CDH4: variants seen among roughly 807,000 people sequenced by gnomAD.
CDH4 encodes the protein cadherin-4.
A neutral mutation model predicts 86.0 loss-of-function variants in CDH4; 33 were observed. The observed-to-expected ratio is 0.38, with a 90% CI of 0.29 to 0.51. CDH4 has a LOEUF of 0.51. CDH4 is among the 20% of genes least tolerant of loss of function. The pLI is 0.86. For synonymous variants in CDH4, 555 were observed against 549.4 expected, an observed-to-expected ratio of 1.01 and a Z score of -0.14; for missense variants, 1,114 against 1,307.4, an observed-to-expected ratio of 0.85 and a Z score of 2.28.
At chr20:61,531,206 T>G (rs1455465999) in intron 2 of CDH4, among the ~76,000 whole-genome samples, 1 of 152,176 alleles carries the variant, frequency 6.6e-6, no homozygotes, top group Non-Finnish European at 1.5e-5. Flanking sequence ...GCATAGTGGC[T>G]CATGCCTGTA....
intron 2 of CDH4, among the ~76,000 whole-genome samples, chr20:61,330,884 AGTT>A (rs2084569053): frequency 6.6e-6 from 1 of 152,092 alleles, no homozygotes; most frequent in Non-Finnish European, 1.5e-5. Context: ...ATAAAGATTG[AGTT>A]GTTTCCAGTT....
At chr20:61,354,094 G>A (rs887575767) in intron 2 of CDH4, among the ~76,000 whole-genome samples, 8 of 152,040 alleles carry the variant, frequency 5.3e-5, no homozygotes, top group Admixed American at 3.3e-4. Context: ...ATTCGAGAAC[G>A]TCTAGGGATG....
chr20:61,467,712 A>G (rs920441963), intron 2 of CDH4, among the ~76,000 whole-genome samples: 3 of 152,184 alleles, frequency 2.0e-5, no homozygotes, highest in Non-Finnish European at 2.9e-5. Flanking sequence ...TGCTTTTTCC[A>G]TATCCATCAT....
At chr20:61,558,593 T>C (rs998075446) in intron 2 of CDH4, among the ~76,000 whole-genome samples, 1 of 152,176 alleles carries the variant, frequency 6.6e-6, no homozygotes, top group Non-Finnish European at 1.5e-5. Flanking sequence ...GCTCAGGAAA[T>C]GCGTATCAGG....
intron 3 of CDH4, among the ~76,000 whole-genome samples, chr20:61,764,571 G>T (rs959721105): frequency 6.6e-6 from 1 of 152,052 alleles, no homozygotes; most frequent in African/African-American, 2.4e-5. Flanking sequence ...CACCTTCCGC[G>T]CAGGGCCCCC....
rs2084333924 is a variant in CDH4 at position 61,293,334 on chromosome 20, G to A, written c.169+38397G>A. On this transcript the variant is annotated intron_variant, in intron 2 of 15. Coordinates refer to ENST00000614565, the MANE Select transcript of CDH4 (RefSeq NM_001794.5). ...GTGGCAGGAGGACCCGTAGGACAGG[G>A]AGGTGCAGAGTGAGGGTTAGTGCAC... is the stretch of plus-strand genomic sequence containing the variant. 2.0e-5 allele frequency among the ~76,000 whole-genome samples: 3 copies of A among 152,166 alleles called. No individual in the cohort carries two copies. In the South Asian group the frequency reaches 6.2e-4, roughly 32 times the overall value.
At chr20:61,905,739 A>C (rs1193013448) in intron 8 of CDH4, among the ~76,000 whole-genome samples, 1 of 152,152 alleles carries the variant, frequency 6.6e-6, no homozygotes. Context: ...GCATGTCCCT[A>C]GGTCACTTAC....
intron 4 of CDH4, among the ~76,000 whole-genome samples, chr20:61,828,282 C>T (rs931819739): frequency 2.6e-5 from 4 of 152,192 alleles, no homozygotes; most frequent in Non-Finnish European, 5.9e-5. Context: ...CGAAAGCACC[C>T]ACCACCCGCC....
chr20:61,521,612 T>A (rs1227046725), intron 2 of CDH4, among the ~76,000 whole-genome samples: 2 of 152,140 alleles, frequency 1.3e-5, no homozygotes, highest in Non-Finnish European at 2.9e-5. Flanking sequence ...TTCAACAAGG[T>A]CGAGGAGTCA....
At chr20:61,820,713 T>C (rs370791214) in intron 4 of CDH4, among the ~76,000 whole-genome samples, 153 of 152,266 alleles carry the variant, frequency 1.0e-3, no homozygotes, top group South Asian at 3.3e-3. Flanking sequence ...CAGCTTTGCT[T>C]TGAAACCCCT....
intron 4 of CDH4, among the ~76,000 whole-genome samples, chr20:61,776,014 C>T (rs1055995602): frequency 1.7e-4 from 26 of 152,188 alleles, no homozygotes; most frequent in Admixed American, 6.5e-5. Context: ...GAGAGAAAGA[C>T]CTCCTGCAGC....
intron 2 of CDH4, among the ~76,000 whole-genome samples, chr20:61,400,718 G>T (rs1015815985): frequency 6.6e-6 from 1 of 152,084 alleles, no homozygotes. Flanking sequence ...AGCTTCTCTG[G>T]GTCCCTTGGT....
At chr20:61,672,322 C>T (rs1253734255) in intron 2 of CDH4, among the ~76,000 whole-genome samples, 1 of 152,056 alleles carries the variant, frequency 6.6e-6, no homozygotes, top group Non-Finnish European at 1.5e-5. Context: ...CAGAATATTC[C>T]TCCAAAAGCA....
intron 2 of CDH4, among the ~76,000 whole-genome samples, chr20:61,479,913 T>C (rs1169794831): frequency 6.6e-6 from 1 of 152,246 alleles, no homozygotes; most frequent in Non-Finnish European, 1.5e-5. Context: ...GGCTGTTTCA[T>C]TTTAGATACT....
At chr20:61,822,219 T>C (rs557800821) in intron 4 of CDH4, among the ~76,000 whole-genome samples, 1 of 152,364 alleles carries the variant, frequency 6.6e-6, no homozygotes, top group South Asian at 2.1e-4. Flanking sequence ...AAAAAACATC[T>C]CGATGCCTAG....
intron 7 of CDH4, among the ~76,000 whole-genome samples, chr20:61,885,621 C>T (rs564134103): frequency 1.3e-5 from 2 of 152,324 alleles, no homozygotes; most frequent in East Asian, 1.9e-4. Context: ...GTCAGAACCC[C>T]TGGTTTGAGC....
chr20:61,361,107 C>T (rs991077712), intron 2 of CDH4, among the ~76,000 whole-genome samples: 2 of 152,072 alleles, frequency 1.3e-5, no homozygotes, highest in African/African-American at 4.8e-5. Flanking sequence ...GGGAAGGGAG[C>T]GACGTGGAGA....
chr20:61,387,767 C>T lies in CDH4; in HGVS notation c.169+132830C>T, dbSNP rs551370493. On this transcript the variant is annotated intron_variant, in intron 2 of 15. Transcript: ENST00000614565. ...TATAAATGTGTTTTTAATCACTCCA[C>T]GGTGAAGCTTTTCCGCAGTGAGAGC... is the stretch of plus-strand genomic sequence containing the variant. Among the ~76,000 whole-genome samples the T allele has an allele frequency of 1.4e-4, 21 of 152,314 alleles. No homozygotes were observed. In the South Asian group the frequency reaches 4.1e-3, roughly 30 times the overall value.
chr20:61,634,685 C>G (rs986833806), intron 2 of CDH4, among the ~76,000 whole-genome samples: 1 of 152,194 alleles, frequency 6.6e-6, no homozygotes, highest in Non-Finnish European at 1.5e-5. Context: ...CATAAGCGTT[C>G]GTTTTAACAC....
Sources: gnomAD v4.1 joint callset for allele counts (sites outside exome capture counted in the v4.1 genomes callset) on GRCh38, gnomAD v4.1.1 for gene constraint, MANE v1.5 for transcripts, NCBI Gene and HGNC (gene_info 2026-07-23, HGNC 2026-07-21) for gene names.